PVT1: variants seen among roughly 807,000 people sequenced by gnomAD.
PVT1 encodes the protein CXCR4/PVT1 fusion.
chr8:127,970,285 A>ATTTTTTTTTTTTTTTT (rs1321419703), intron 3 of PVT1, among the ~76,000 whole-genome samples: 1 of 26,816 alleles, frequency 3.7e-5, no homozygotes, highest in Non-Finnish European at 7.7e-5. Context: ...ATCTGCCATG[A>ATTTTTTTTTTTTTTTT]TTTGTTTTTT....
At chr8:127,935,033 G>C (rs115088067) in intron 3 of PVT1, among the ~76,000 whole-genome samples, 6,908 of 151,982 alleles carry the variant, frequency 0.045, 327 homozygotes, top group African/African-American at 0.11. Context: ...GTGTAATGGC[G>C]CTATCTCACA....
chr8:127,819,630 A>G (rs1814707346), intron 2 of PVT1, among the ~76,000 whole-genome samples: 1 of 152,166 alleles, frequency 6.6e-6, no homozygotes, highest in South Asian at 2.1e-4. Flanking sequence ...GCAATGCGGA[A>G]GAGCCTCGGG....
chr8:127,826,570 A>G (rs1354277649), intron 2 of PVT1, among the ~76,000 whole-genome samples: 1 of 152,172 alleles, frequency 6.6e-6, no homozygotes, highest in Non-Finnish European at 1.5e-5. Context: ...TTGGAATTTC[A>G]TAACTGTTTC....
chr8:127,990,197 T>C (rs1459978793), intron 4 of PVT1, among the ~76,000 whole-genome samples: 3 of 152,122 alleles, frequency 2.0e-5, no homozygotes, highest in Non-Finnish European at 2.9e-5. Flanking sequence ...GCAGAGTTGA[T>C]TCCCCCCTCC....
At chr8:127,870,462 A>G (rs1815340088) in intron 2 of PVT1, among the ~76,000 whole-genome samples, 1 of 152,218 alleles carries the variant, frequency 6.6e-6, no homozygotes, top group Non-Finnish European at 1.5e-5. Context: ...GTTTGTAGCA[A>G]TTTGTTATGG....
intron 2 of PVT1, among the ~76,000 whole-genome samples, chr8:127,806,103 C>T (rs1017897708): frequency 1.3e-5 from 2 of 151,994 alleles, no homozygotes; most frequent in African/African-American, 4.8e-5. Context: ...CAAAAGTCAA[C>T]AACAAAAAGA....
At chr8:127,822,604 C>A (rs1814745806) in intron 2 of PVT1, among the ~76,000 whole-genome samples, 1 of 152,050 alleles carries the variant, frequency 6.6e-6, no homozygotes, top group Non-Finnish European at 1.5e-5. Context: ...AAAATAAATT[C>A]AATGCAGTGA....
At chr8:127,860,205 T>C (rs1189372536) in intron 2 of PVT1, among the ~76,000 whole-genome samples, 4 of 151,836 alleles carry the variant, frequency 2.6e-5, no homozygotes, top group African/African-American at 7.3e-5. Context: ...GTGGCGGAGG[T>C]GCTGGCGCAG....
chr8:127,917,781 A>G (rs961444564), intron 3 of PVT1, among the ~76,000 whole-genome samples: 2 of 152,230 alleles, frequency 1.3e-5, no homozygotes, highest in Non-Finnish European at 2.9e-5. Context: ...CAGTGGTGGC[A>G]GCTGGCCCAG....
chr8:127,975,743 T>A (rs141349258), intron 3 of PVT1, among the ~76,000 whole-genome samples: 9 of 152,376 alleles, frequency 5.9e-5, no homozygotes, highest in Non-Finnish European at 1.0e-4. Flanking sequence ...GGGTTTTTCT[T>A]CAGAAAGCTT....
intron 2 of PVT1, among the ~76,000 whole-genome samples, chr8:127,809,029 C>CAAAAAAAAAAAAAAAAA (rs1158760672): frequency 3.9e-4 from 11 of 28,260 alleles, no homozygotes; most frequent in South Asian, 1.5e-3. Flanking sequence ...GATTCCATCT[C>CAAAAAAAAAAAAAAAAA]AAAAAAAAAA....
intron 2 of PVT1, among the ~76,000 whole-genome samples, chr8:127,864,268 G>A (rs1286914322): frequency 6.6e-6 from 1 of 152,078 alleles, no homozygotes; most frequent in Non-Finnish European, 1.5e-5. Context: ...GACACCTGGG[G>A]AGGGGAGAGA....
intron 4 of PVT1, among the ~76,000 whole-genome samples, chr8:128,014,487 C>T (rs1007277714): frequency 1.3e-5 from 2 of 152,232 alleles, no homozygotes; most frequent in Non-Finnish European, 2.9e-5. Flanking sequence ...TCTCTCTGCA[C>T]ATCTGGCCTC....
intron 2 of PVT1, among the ~76,000 whole-genome samples, chr8:127,844,172 G>A (rs1433251691): frequency 1.3e-5 from 2 of 151,976 alleles, no homozygotes; most frequent in Non-Finnish European, 2.9e-5. Context: ...TTTTAGTAGA[G>A]TTGGGGTTTC....
At chr8:127,845,180 G>T (rs1247533573) in intron 2 of PVT1, among the ~76,000 whole-genome samples, 1 of 151,794 alleles carries the variant, frequency 6.6e-6, no homozygotes, top group East Asian at 1.9e-4. Flanking sequence ...TAAGGTGTGT[G>T]TTGTGACGAG....
intron 3 of PVT1, chr8:127,947,235 T>A (rs1419325568): frequency 6.2e-6 from 1 of 160,252 alleles, no homozygotes; most frequent in Non-Finnish European, 1.4e-5. Flanking sequence ...CTGGGTTAAA[T>A]GGGTTCAGCA....
intron 2 of PVT1, among the ~76,000 whole-genome samples, chr8:127,883,062 T>TCGCA (rs1554594125): frequency 6.8e-6 from 1 of 147,884 alleles, no homozygotes; most frequent in African/African-American, 2.5e-5. Flanking sequence ...TGCACACACA[T>TCGCA]CACACACACA....
chr8:127,924,860 C>G (rs937610892), intron 3 of PVT1, among the ~76,000 whole-genome samples: 1 of 151,956 alleles, frequency 6.6e-6, no homozygotes, highest in Non-Finnish European at 1.5e-5. Context: ...GTTGCCCAGA[C>G]TGGTCTTGAA....
intron 2 of PVT1, among the ~76,000 whole-genome samples, chr8:127,815,992 C>T (rs1453343466): frequency 6.6e-6 from 1 of 152,102 alleles, no homozygotes; most frequent in African/African-American, 2.4e-5. Context: ...GGCTTGGTGG[C>T]ACATGCCTGT....
Sources: gnomAD v4.1 joint callset for allele counts (sites outside exome capture counted in the v4.1 genomes callset) on GRCh38, gnomAD v4.1.1 for gene constraint, MANE v1.5 for transcripts, NCBI Gene and HGNC (gene_info 2026-07-23, HGNC 2026-07-21) for gene names.